Variants in CAMKMT observed in about 807,000 individuals in gnomAD.
The protein encoded by CAMKMT is CaM KMT.
A neutral mutation model predicts 48.0 loss-of-function variants in CAMKMT; 53 were observed. The ratio of observed to expected loss-of-function variants is 1.10; its 90% confidence interval spans 0.89 to 1.39. The LOEUF (loss-of-function observed/expected upper bound fraction) is 1.39, where lower values mean the gene tolerates loss of function less well. Ranked by LOEUF, CAMKMT falls within the 40% of genes most tolerant of loss-of-function variation. The pLI is 0.00. For missense variants in CAMKMT, 428 were observed against 402.7 expected (o/e 1.06, Z -0.54); for synonymous variants, 165 against 152.3 (o/e 1.08, Z -0.61).
chr2:44,765,409 A>G (rs1680795835), intron 9 of CAMKMT, among the ~76,000 whole-genome samples: 1 of 151,870 alleles, frequency 6.6e-6, no homozygotes, highest in Non-Finnish European at 1.5e-5. Flanking sequence ...ATGATAAACC[A>G]CTCTTCATAA....
At chr2:44,498,055 G>A (rs571691607) in intron 3 of CAMKMT, among the ~76,000 whole-genome samples, 8 of 152,168 alleles carry the variant, frequency 5.3e-5, no homozygotes, top group Non-Finnish European at 1.2e-4. Flanking sequence ...TAAGCATTTT[G>A]TACAAGAGTT....
At chr2:44,417,812 C>G (rs1683661096) in intron 3 of CAMKMT, among the ~76,000 whole-genome samples, 1 of 152,206 alleles carries the variant, frequency 6.6e-6, no homozygotes, top group Non-Finnish European at 1.5e-5. Context: ...CGTTGAACAT[C>G]TTTTCATGTG....
chr2:44,398,091 C>G (rs965250426), intron 3 of CAMKMT, among the ~76,000 whole-genome samples: 2 of 152,146 alleles, frequency 1.3e-5, no homozygotes, highest in Admixed American at 6.5e-5. Context: ...CTTTTGCATC[C>G]TTTACAGTAT....
intron 3 of CAMKMT, among the ~76,000 whole-genome samples, chr2:44,647,797 A>G (rs1673820931): frequency 6.6e-6 from 1 of 151,038 alleles, no homozygotes; most frequent in African/African-American, 2.4e-5. Flanking sequence ...AGTCCCAGCT[A>G]CTCAGGAGGC....
chr2:44,666,612 C>CTTTTTTTTTT lies in CAMKMT; in HGVS notation c.377-37663_377-37654dup, dbSNP rs1293884982. ...TTGATCTCCTTTTGGCTCCTGGAATCTTTTTTTTTTTTTTTTTGAGACAGA... is the reference window on the plus strand; with the variant it reads ...TTGATCTCCTTTTGGCTCCTGGAATCTTTTTTTTTTTTTTTTTTTTTTTTTTTGAGACAGA... On this transcript the variant is annotated intron_variant, in intron 3 of 10. Coordinates refer to ENST00000378494, the MANE Select transcript of CAMKMT (RefSeq NM_024766.5). 7.5e-4 allele frequency among the ~76,000 whole-genome samples: 100 copies of CTTTTTTTTTT among 133,942 alleles called. 3 individuals carry two copies. Among genetic ancestry groups the CTTTTTTTTTT allele is most frequent in the African/African-American group, 2.7e-3 (91 of 34,118 alleles). 87.9% of individuals were successfully genotyped at this position (133,942 alleles called of 152,430 possible).
At chr2:44,567,711 T>A (rs998104632) in intron 3 of CAMKMT, among the ~76,000 whole-genome samples, 1 of 152,206 alleles carries the variant, frequency 6.6e-6, no homozygotes, top group African/African-American at 2.4e-5. Context: ...AGGTTTCTTC[T>A]GCAGTTATGT....
chr2:44,390,411 G>A (rs1197839375), intron 3 of CAMKMT, 106 bp downstream of exon 3: 1 of 741,546 alleles, frequency 1.3e-6, no homozygotes, highest in South Asian at 1.9e-5. Flanking sequence ...CTAAATGTAT[G>A]CATATATGTA....
chr2:44,484,729 G>T (rs1572625790), intron 3 of CAMKMT, among the ~76,000 whole-genome samples: 1 of 150,938 alleles, frequency 6.6e-6, no homozygotes, highest in African/African-American at 2.4e-5. Flanking sequence ...TTGATAAATT[G>T]GTCTATGTTA....
chr2:44,455,218 G>C (rs1199578597), intron 3 of CAMKMT, among the ~76,000 whole-genome samples: 1 of 151,246 alleles, frequency 6.6e-6, no homozygotes, highest in Non-Finnish European at 1.5e-5. Context: ...AGTAGGACTG[G>C]GGATTCCAGG....
In CAMKMT at chr2:44,769,410, C is replaced by A. The variant is rs531331938; in HGVS notation, c.895-2626C>A. On this transcript the variant is annotated intron_variant, in intron 10 of 10. Transcript: ENST00000378494. ...TAAAAATATTGCTTTTCAGTCCATC[C>A]TTGCAAGGGGAGAAAAATAAAACAC... 7.9e-5 allele frequency among the ~76,000 whole-genome samples: 12 copies of A among 152,294 alleles called. No individual in the cohort carries two copies. In the East Asian group the frequency reaches 1.9e-3, roughly 24 times the overall value.
intron 3 of CAMKMT, among the ~76,000 whole-genome samples, chr2:44,602,214 C>G (rs1671036753): frequency 1.3e-5 from 2 of 151,900 alleles, no homozygotes; most frequent in African/African-American, 4.8e-5. Flanking sequence ...CCATGTTGCC[C>G]AGTCTCGAAC....
At chr2:44,649,607 G>A (rs1185015991) in intron 3 of CAMKMT, among the ~76,000 whole-genome samples, 2 of 152,072 alleles carry the variant, frequency 1.3e-5, no homozygotes, top group Non-Finnish European at 2.9e-5. Context: ...TGCTTGATGT[G>A]GGTTGTGAAA....
intron 3 of CAMKMT, among the ~76,000 whole-genome samples, chr2:44,630,133 T>C (rs557296740): frequency 6.6e-6 from 1 of 151,668 alleles, no homozygotes; most frequent in African/African-American, 2.4e-5. Context: ...CTGAGAAAAA[T>C]AAGCAATGCG....
intron 3 of CAMKMT, among the ~76,000 whole-genome samples, chr2:44,582,991 C>A (rs1371772819): frequency 6.6e-6 from 1 of 152,064 alleles, no homozygotes; most frequent in Non-Finnish European, 1.5e-5. Context: ...AAATGATGAT[C>A]TTTTTTGGAA....
At chr2:44,751,154 A>T (rs1680137492) in intron 8 of CAMKMT, among the ~76,000 whole-genome samples, 1 of 152,200 alleles carries the variant, frequency 6.6e-6, no homozygotes, top group Non-Finnish European at 1.5e-5. Flanking sequence ...TGAGCTTGGA[A>T]AAGGGAGAGA....
intron 3 of CAMKMT, among the ~76,000 whole-genome samples, chr2:44,541,037 A>G (rs1026608985): frequency 1.3e-5 from 2 of 152,118 alleles, no homozygotes; most frequent in African/African-American, 4.8e-5. Context: ...ACATGGGTAT[A>G]TTTCTGTACC....
chr2:44,435,220 G>C (rs768411774), intron 3 of CAMKMT, among the ~76,000 whole-genome samples: 34 of 152,154 alleles, frequency 2.2e-4, no homozygotes, highest in Non-Finnish European at 1.3e-4. Context: ...ATGTAAATTA[G>C]GTATTCTCAG....
intron 4 of CAMKMT, among the ~76,000 whole-genome samples, chr2:44,706,008 A>G (rs1003535860): frequency 1.3e-5 from 2 of 152,126 alleles, no homozygotes; most frequent in African/African-American, 4.8e-5. Flanking sequence ...TTGACAAGGG[A>G]AAAAAAGGGA....
chr2:44,706,316 G>T lies in CAMKMT; in HGVS notation c.467G>T (p.Gly156Val). ...RALAVCELGG[G>V]MTCLAGLMVA... Reference sequence around the variant, plus strand: ...CTTGCTGTGTGTGAGCTAGGGGGTGGCATGACATGCTTGGCTGGGCTCATG... The same window carrying T: ...CTTGCTGTGTGTGAGCTAGGGGGTGTCATGACATGCTTGGCTGGGCTCATG... Residue 156 changes from glycine to valine, a missense_variant, in exon 5 of 11, where the codon GGC becomes GTC. Transcript: ENST00000378494. The T allele has an allele frequency of 6.2e-7, 1 of 1,613,126 alleles. No individual in the cohort carries two copies.
Sources: gnomAD v4.1 joint callset for allele counts (sites outside exome capture counted in the v4.1 genomes callset) on GRCh38, gnomAD v4.1.1 for gene constraint, MANE v1.5 for transcripts, NCBI Gene and HGNC (gene_info 2026-07-23, HGNC 2026-07-21) for gene names.